The following CNRIP1 variants were observed in gnomAD, a reference collection of about 807,000 sequenced individuals.
The protein encoded by CNRIP1 is CB1 cannabinoid receptor-interacting protein 1.
A neutral mutation model predicts 15.2 loss-of-function variants in CNRIP1; 10 were observed. That is an observed-to-expected ratio of 0.66 (90% confidence interval 0.41 to 1.12). The LOEUF (loss-of-function observed/expected upper bound fraction) is 1.12. Ranked by LOEUF, CNRIP1 falls within the 50% of genes most tolerant of loss-of-function variation. The pLI is 0.00. For missense variants in CNRIP1, 211 were observed against 214.7 expected (o/e 0.98, Z 0.11); for synonymous variants, 91 against 83.2 (o/e 1.09, Z -0.51).
chr2:68,301,629 T>C (rs182949642), intron 2 of CNRIP1, among the ~76,000 whole-genome samples: 6 of 152,136 alleles, frequency 3.9e-5, no homozygotes, highest in African/African-American at 1.2e-4. Context: ...AGGTGGCTCA[T>C]GCCTGTAATC....
Position 68,319,647 on chromosome 2 carries a change from C to A in CNRIP1, c.-247G>T. 2 of 464,080 alleles carry A rather than the reference C, an allele frequency of 4.3e-6. No homozygotes were observed. Among genetic ancestry groups the A allele is most frequent in the Non-Finnish European group, 7.6e-6 (2 of 262,192 alleles). The allele number at this position is 464,080 out of a possible 1,614,324, so 28.7% of individuals were successfully genotyped here. A position where few individuals can be genotyped will look rare whatever the true frequency, so the allele number is the denominator to read the frequency against. On this transcript the variant is annotated 5_prime_UTR_variant, in exon 1 of 3. Coordinates refer to ENST00000263655, the MANE Select transcript of CNRIP1 (RefSeq NM_015463.3). ...CGGGCCCAAGAGACGGCTCCAAGGC[C>A]GCGCGCTTCCCCATCCCCCGCTCCA...
At chr2:68,319,141 G>A in intron 1 of CNRIP1, 81 bp downstream of exon 1, 1 of 1,386,874 alleles carries the variant, frequency 7.2e-7, no homozygotes. Flanking sequence ...GCCCTTGAGA[G>A]GCTCGGGCTG....
intron 2 of CNRIP1, among the ~76,000 whole-genome samples, chr2:68,315,649 G>GA (rs1672243409): frequency 6.6e-6 from 1 of 151,944 alleles, no homozygotes; most frequent in African/African-American, 2.4e-5. Flanking sequence ...TATACAAGTA[G>GA]AAAAAAGTAT....
At chr2:68,305,284 G>A (rs201940307) in intron 2 of CNRIP1, among the ~76,000 whole-genome samples, 38,561 of 123,450 alleles carry the variant, frequency 0.31, 6,452 homozygotes, top group East Asian at 0.6. Context: ...ATGTGTGTGT[G>A]TGTGTGTGTG....
intron 2 of CNRIP1, among the ~76,000 whole-genome samples, chr2:68,308,237 C>T (rs1441289966): frequency 1.3e-5 from 2 of 150,562 alleles, no homozygotes; most frequent in Non-Finnish European, 2.9e-5. Context: ...AAAAAAACCC[C>T]CGATGTCATT....
At chr2:68,307,290 G>T (rs1292877408) in intron 2 of CNRIP1, among the ~76,000 whole-genome samples, 1 of 152,082 alleles carries the variant, frequency 6.6e-6, no homozygotes, top group African/African-American at 2.4e-5. Context: ...AAATGTATAG[G>T]ATTGTATATA....
chr2:68,302,638 G>A (rs1222501868), intron 2 of CNRIP1, among the ~76,000 whole-genome samples: 1 of 152,152 alleles, frequency 6.6e-6, no homozygotes, highest in East Asian at 1.9e-4. Context: ...GCTTCAGCAG[G>A]CAGTAAAGGG....
chr2:68,293,819 G>C lies in CNRIP1; in HGVS notation c.*43C>G. On this transcript the variant is annotated 3_prime_UTR_variant, in exon 3 of 3. Transcript: ENST00000263655. ...GCCTGCGCTGGTTTATCTAAAAGTAGATTTCTGAAAAGATTGTCCAGTAGC... is the reference window on the plus strand; with the variant it reads ...GCCTGCGCTGGTTTATCTAAAAGTACATTTCTGAAAAGATTGTCCAGTAGC... 6.3e-7 allele frequency: 1 copy of C among 1,598,334 alleles called. No homozygotes were observed. The highest frequency in any genetic ancestry group is 8.6e-7 in the Non-Finnish European group (1 of 1,169,100).
intron 2 of CNRIP1, among the ~76,000 whole-genome samples, chr2:68,305,240 G>C (rs575114965): frequency 3.2e-4 from 17 of 52,892 alleles, no homozygotes; most frequent in Middle Eastern, 0.011. Flanking sequence ...GTGAAACTCC[G>C]TCTCAAAAAA....
At chr2:68,300,826 T>G (rs1671579427) in intron 2 of CNRIP1, among the ~76,000 whole-genome samples, 1 of 152,158 alleles carries the variant, frequency 6.6e-6, no homozygotes, top group Non-Finnish European at 1.5e-5. Context: ...GACCTTAAAT[T>G]AGGAAAACCT....
At position 68,293,065 on chromosome 2, in the gene CNRIP1, A is replaced by G. The variant is rs1437377626; in HGVS notation, c.*797T>C. 2.0e-6 allele frequency: 2 copies of G among 985,328 alleles called. No individual in the cohort carries two copies. Among genetic ancestry groups the G allele is most frequent in the Non-Finnish European group, 2.4e-6 (2 of 829,936 alleles). 61.0% of individuals were successfully genotyped at this position (985,328 alleles called of 1,614,324 possible). A position where few individuals can be genotyped will look rare whatever the true frequency, so the allele number is the denominator to read the frequency against. ...AAAAGTTGATTACAGGTCCATATGC[A>G]GTTTTACAAAGTTCAAGTGAAGAAG... is the stretch of plus-strand genomic sequence containing the variant. On this transcript the variant is annotated 3_prime_UTR_variant, in exon 3 of 3. Transcript: ENST00000263655.
rs1214086385 is a variant in CNRIP1, at chr2:68,302,845, C to CTTT, written c.331-8822_331-8820dup. Reference sequence around the variant, plus strand: ...ATCATTTATTCAATGATTTGAAAAACTTTTTTTTTTTTTTTTTTTTTGAGA... The same window carrying CTTT: ...ATCATTTATTCAATGATTTGAAAAACTTTTTTTTTTTTTTTTTTTTTTTTGAGA... On this transcript the variant is annotated intron_variant, in intron 2 of 2. Transcript: ENST00000263655. Among the ~76,000 whole-genome samples the CTTT allele has an allele frequency of 5.8e-3, 729 of 126,248 alleles. 3 individuals carry two copies. The highest frequency in any genetic ancestry group is 0.022 in the African/African-American group (656 of 30,362). The allele number at this position is 126,248 out of a possible 152,430, so 82.8% of individuals were successfully genotyped here. A position where few individuals can be genotyped will look rare whatever the true frequency, so the allele number is the denominator to read the frequency against.
chr2:68,319,349 G>C lies in CNRIP1; in HGVS notation c.52C>G (p.Pro18Ala). Residue 18 changes from proline to alanine, a missense_variant, in exon 1 of 3, where the codon CCT becomes GCT. Pro to Ala is a conservative substitution (Grantham distance 27). Transcript: ENST00000263655. ...TTGTAAAAGACCGGGCCGTCATTAGGCTGGATGCGCAGCGCGATGGAGAGG... is the reference window on the plus strand; with the variant it reads ...TTGTAAAAGACCGGGCCGTCATTAGCCTGGATGCGCAGCGCGATGGAGAGG... ...VRLSIALRIQ[P>A]NDGPVFYKVD... The C allele has an allele frequency of 1.9e-6, 3 of 1,581,794 alleles. No homozygotes were observed. The highest frequency in any genetic ancestry group is 2.6e-6 in the Non-Finnish European group (3 of 1,164,364).
chr2:68,288,535 G>A (rs927084333), downstream of CNRIP1, among the ~76,000 whole-genome samples: 1 of 152,110 alleles, frequency 6.6e-6, no homozygotes, highest in African/African-American at 2.4e-5. Flanking sequence ...GTTAGCAAGT[G>A]GGAAATGAAA....
chr2:68,289,293 T>A (rs1310641376), downstream of CNRIP1, among the ~76,000 whole-genome samples: 1 of 152,218 alleles, frequency 6.6e-6, no homozygotes, highest in Non-Finnish European at 1.5e-5. Flanking sequence ...TAAAATATGC[T>A]ATTTTAAACT....
intron 2 of CNRIP1, among the ~76,000 whole-genome samples, chr2:68,294,691 T>C (rs1440783831): frequency 6.6e-6 from 1 of 152,222 alleles, no homozygotes; most frequent in Non-Finnish European, 1.5e-5. Flanking sequence ...CTGAAAATAT[T>C]TCATTGGAAG....
rs200064067 is a variant in CNRIP1, at chr2:68,319,375, C to A, written c.26G>T (p.Arg9Leu). The A allele has an allele frequency of 5.1e-6, 8 of 1,583,820 alleles. No homozygotes were observed. The East Asian group carries it at 9.1e-5, about 18-fold the overall frequency. Residue 9 changes from arginine to leucine, a missense_variant, in exon 1 of 3, where the codon CGC becomes CTC. Arg to Leu is a moderately radical substitution (Grantham distance 102, BLOSUM62 -2). Coordinates refer to ENST00000263655, the MANE Select transcript of CNRIP1 (RefSeq NM_015463.3). ...CTGGATGCGCAGCGCGATGGAGAGGCGCACGAGGCCCGGCAGGTCCCCCAT... is the reference window on the plus strand; with the variant it reads ...CTGGATGCGCAGCGCGATGGAGAGGAGCACGAGGCCCGGCAGGTCCCCCAT... MGDLPGLV[R>L]LSIALRIQPN...
chr2:68,293,276 A>G lies in CNRIP1; in HGVS notation c.*586T>C. On this transcript the variant is annotated 3_prime_UTR_variant, in exon 3 of 3. Coordinates refer to ENST00000263655, the MANE Select transcript of CNRIP1 (RefSeq NM_015463.3). ...GTTTTAATACGTTATAAATACGTAC[A>G]TATTTGTCCTTCTAGTTTGTTACCA... The G allele has an allele frequency of 1.5e-5, 15 of 985,944 alleles. No individual in the cohort carries two copies. Among genetic ancestry groups the G allele is most frequent in the Middle Eastern group, 5.2e-4 (1 of 1,914 alleles). 61.1% of individuals were successfully genotyped at this position (985,944 alleles called of 1,614,324 possible). A position where few individuals can be genotyped will look rare whatever the true frequency, so the allele number is the denominator to read the frequency against.
chr2:68,311,724 G>A (rs1181405954), intron 2 of CNRIP1, among the ~76,000 whole-genome samples: 3 of 141,182 alleles, frequency 2.1e-5, no homozygotes, highest in South Asian at 2.2e-4. Flanking sequence ...TCAGTAAACC[G>A]AGATTGCACC....
Sources: allele counts gnomAD v4.1 joint callset (sites outside exome capture counted in the v4.1 genomes callset), GRCh38; gene constraint gnomAD v4.1.1; transcripts MANE v1.5; gene names NCBI Gene and HGNC (gene_info 2026-07-23, HGNC 2026-07-21).